The following ZNF516 variants were observed in gnomAD, a reference collection of about 807,000 sequenced individuals.
The protein encoded by ZNF516 is zinc finger protein 516.
A neutral mutation model predicts 79.7 loss-of-function variants in ZNF516; 19 were observed. That is an observed-to-expected ratio of 0.24 (90% CI 0.17 to 0.35). The LOEUF is 0.35. Among genes scored for constraint, ZNF516 ranks in the 10% least tolerant of loss-of-function variants. The pLI, the probability that ZNF516 is intolerant of heterozygous loss-of-function variation, is 1.00. For missense variants in ZNF516, 1,678 were observed against 1,679.5 expected (o/e 1.00, Z 0.02); for synonymous variants, 877 against 739.5 (o/e 1.19, Z -3.02).
At position 76,442,357 on chromosome 18, in the gene ZNF516, T is replaced by C; in HGVS notation, c.698A>G (p.Glu233Gly). The change falls in exon 3 of 7, where the codon GAG (glutamate) becomes GGG (glycine). Residue 233 changes from glutamate to glycine, a missense_variant. Physicochemically the swap from Glu to Gly is moderately conservative, Grantham distance 98. Around this residue, in one of 5 missense-constraint regions of ZNF516, gnomAD observed 279 missense variants for 254.1 expected, o/e 1.10. Transcript: ENST00000443185. ...GGGCTTGCCGTTCTCCACGCAGGCC[T>C]CGCCGCTGCCGGGCCCCTGCGCGGT... ...HITAQGPGSG[E>G]ACVENGKPEL... 1 of 1,609,774 alleles carries C rather than the reference T, an allele frequency of 6.2e-7. No individual in the cohort carries two copies. Among genetic ancestry groups the C allele is most frequent in the Non-Finnish European group, 8.5e-7 (1 of 1,179,204 alleles).
chr18:76,358,927 G>C lies in ZNF516; in HGVS notation c.*3571C>G, dbSNP rs1278834208. On this transcript the variant is annotated 3_prime_UTR_variant, in exon 7 of 7. Coordinates refer to ENST00000443185, the MANE Select transcript of ZNF516 (RefSeq NM_014643.4). ...GTAACCTACACCCTCTCTGTCCAAA[G>C]AACAGAGGCCGACCAGAGTTGCCAG... The C allele has an allele frequency of 6.6e-6, 1 of 152,388 alleles. No individual in the cohort carries two copies. The highest frequency in any genetic ancestry group is 2.4e-5 in the African/African-American group (1 of 41,432). The allele number at this position is 152,388 out of a possible 1,614,324, so 9.4% of individuals were successfully genotyped here.
intron 1 of ZNF516, among the ~76,000 whole-genome samples, chr18:76,480,488 T>TACACATAC (rs1242349322): frequency 7.2e-6 from 1 of 138,870 alleles, no homozygotes; most frequent in Non-Finnish European, 1.5e-5. Flanking sequence ...CACACACATA[T>TACACATAC]ACACATACAC....
At chr18:76,452,153 C>A (rs781295234) in intron 2 of ZNF516, among the ~76,000 whole-genome samples, 2 of 152,232 alleles carry the variant, frequency 1.3e-5, no homozygotes, top group Non-Finnish European at 2.9e-5. Context: ...CAAAACGCCA[C>A]TATCCCAGGG....
At chr18:76,395,297 G>A (rs1157068302) in intron 3 of ZNF516, among the ~76,000 whole-genome samples, 3 of 152,146 alleles carry the variant, frequency 2.0e-5, no homozygotes, top group African/African-American at 7.2e-5. Flanking sequence ...GCATCTCCCA[G>A]ACACCAAGAA....
At chr18:76,392,320 A>G (rs1345927240) in intron 3 of ZNF516, among the ~76,000 whole-genome samples, 1 of 152,226 alleles carries the variant, frequency 6.6e-6, no homozygotes, top group Non-Finnish European at 1.5e-5. Flanking sequence ...TAGTTTTACA[A>G]TCTTCTGGTC....
chr18:76,416,931 GA>G (rs200758459), intron 3 of ZNF516, among the ~76,000 whole-genome samples: 8 of 149,044 alleles, frequency 5.4e-5, no homozygotes, highest in South Asian at 2.1e-4. Flanking sequence ...AAACAAAAAA[GA>G]AAAAAAAACG....
intron 2 of ZNF516, among the ~76,000 whole-genome samples, chr18:76,457,022 C>G (rs11662959): frequency 0.36 from 55,469 of 152,146 alleles, 11,277 homozygotes; most frequent in Non-Finnish European, 0.46. Flanking sequence ...CCACAGGCTT[C>G]AGATTTGTCA....
intron 3 of ZNF516, among the ~76,000 whole-genome samples, chr18:76,384,059 C>T (rs2074938491): frequency 6.6e-6 from 1 of 152,230 alleles, no homozygotes; most frequent in South Asian, 2.1e-4. Context: ...CCACGACACC[C>T]ATCCACTGTT....
intron 3 of ZNF516, among the ~76,000 whole-genome samples, chr18:76,424,326 AACAC>A (rs1184417331): frequency 2.6e-5 from 1 of 37,858 alleles, no homozygotes; most frequent in African/African-American, 1.1e-4. Flanking sequence ...GCTCCCCCGA[AACAC>A]ACACAGGTAA....
chr18:76,436,441 C>G (rs2075736217), intron 3 of ZNF516, among the ~76,000 whole-genome samples: 1 of 152,174 alleles, frequency 6.6e-6, no homozygotes, highest in Non-Finnish European at 1.5e-5. Context: ...TCGTGGGACC[C>G]ATGATGAACA....
At position 76,406,144 on chromosome 18, in the gene ZNF516, T is replaced by C. The variant is rs182673778; in HGVS notation, c.1811-25841A>G. Among the ~76,000 whole-genome samples, 401 of 152,334 alleles carry C rather than the reference T, an allele frequency of 2.6e-3. 1 individual carries two copies. The highest frequency in any genetic ancestry group is 8.9e-3 in the African/African-American group (370 of 41,580). ...CCTCCTCCGGAGGCACCGCCCGGCC[T>C]GCAACTCGCCCGCGCTGCCCAGACC... On this transcript the variant is annotated intron_variant, in intron 3 of 6. Transcript: ENST00000443185.
At chr18:76,381,817 G>A (rs901961958) in intron 3 of ZNF516, among the ~76,000 whole-genome samples, 2 of 152,156 alleles carry the variant, frequency 1.3e-5, no homozygotes, top group Admixed American at 6.5e-5. Context: ...AACTCCTACC[G>A]GCTCCTAAAG....
chr18:76,383,698 T>A (rs542058327), intron 3 of ZNF516, among the ~76,000 whole-genome samples: 1 of 152,324 alleles, frequency 6.6e-6, no homozygotes, highest in South Asian at 2.1e-4. Context: ...CGAGGTTTCT[T>A]CATTACAGGA....
intron 3 of ZNF516, among the ~76,000 whole-genome samples, chr18:76,415,590 A>G (rs1040718686): frequency 2.4e-4 from 36 of 152,052 alleles, no homozygotes; most frequent in African/African-American, 8.7e-4. Flanking sequence ...TCTGAAGTGC[A>G]ACGGCTGCAG....
chr18:76,432,867 G>C (rs2075680812), intron 3 of ZNF516, among the ~76,000 whole-genome samples: 1 of 152,210 alleles, frequency 6.6e-6, no homozygotes, highest in South Asian at 2.1e-4. Context: ...AGTAACAACA[G>C]ATCAGTAACA....
intron 1 of ZNF516, among the ~76,000 whole-genome samples, chr18:76,483,208 A>T (rs1914628282): frequency 6.6e-6 from 1 of 152,048 alleles, no homozygotes; most frequent in Non-Finnish European, 1.5e-5. Flanking sequence ...CTCCTCCAGG[A>T]GGTGTTTAAT....
At chr18:76,381,200 G>C (rs969197120) in intron 3 of ZNF516, among the ~76,000 whole-genome samples, 1 of 152,166 alleles carries the variant, frequency 6.6e-6, no homozygotes, top group Non-Finnish European at 1.5e-5. Flanking sequence ...GAGGTTTTAA[G>C]GCTTTTCCAA....
intron 5 of ZNF516, 37 bp from the exon 6 acceptor site, chr18:76,370,632 T>C: frequency 6.5e-7 from 1 of 1,542,090 alleles, no homozygotes. Flanking sequence ...GATCAGCGTG[T>C]GAGCTTCCGG....
intron 3 of ZNF516, among the ~76,000 whole-genome samples, chr18:76,399,013 C>T (rs2075182598): frequency 1.3e-5 from 2 of 152,206 alleles, no homozygotes; most frequent in Admixed American, 1.3e-4. Flanking sequence ...CACAAGCGGT[C>T]TCTGTCCTCC....
Sources: gnomAD v4.1 joint callset for allele counts (sites outside exome capture counted in the v4.1 genomes callset) on GRCh38, gnomAD v4.1.1 for gene constraint, gnomAD v4.1.1 regional missense constraint, MANE v1.5 for transcripts, NCBI Gene and HGNC (gene_info 2026-07-23, HGNC 2026-07-21) for gene names.